The following NBDY variants were observed in gnomAD, a reference collection of about 807,000 sequenced individuals.
NBDY encodes the protein P-body dissociating protein.
intron 2 of NBDY, among the ~76,000 whole-genome samples, chrX:56,736,807 A>C (rs755634354): frequency 1.1e-4 from 12 of 112,295 alleles, no homozygotes; most frequent in Non-Finnish European, 7.5e-5. Context: ...GAGTGCATAC[A>C]GAATTTCTTT....
Position 56,803,917 on chromosome X carries a change from A to G in NBDY, c.*167-13403A>G, listed in dbSNP as rs139992377. 8.4e-3 allele frequency among the ~76,000 whole-genome samples: 941 copies of G among 112,073 alleles called. 9 individuals are homozygous for G. The highest frequency in any genetic ancestry group is 0.029 in the African/African-American group (909 of 30,864). ...CATGGTCTCTTTGGGGAAACCTGCA[A>G]CATGCGAAAGGCTCTCTGCCTCCCT... On this transcript the variant is annotated intron_variant, in intron 2 of 2. Transcript: ENST00000374922.
chrX:56,737,426 A>G (rs1946060701), intron 2 of NBDY: 1 of 656,446 alleles, frequency 1.5e-6, no homozygotes, highest in African/African-American at 2.2e-5. Context: ...GTTCTCAGGA[A>G]GCCTTCTTAT....
intron 2 of NBDY, among the ~76,000 whole-genome samples, chrX:56,735,810 C>T (rs1357514846): frequency 4.5e-5 from 5 of 111,288 alleles, no homozygotes; most frequent in Non-Finnish European, 9.4e-5. Context: ...CCTCCTTCTG[C>T]GAAGTAGGGC....
intron 2 of NBDY, among the ~76,000 whole-genome samples, chrX:56,767,641 C>G (rs1323046328): frequency 8.8e-6 from 1 of 113,567 alleles, no homozygotes; most frequent in East Asian, 2.8e-4. Context: ...ACTGGGCCAG[C>G]AGCTACTGTG....
chrX:56,806,940 G>T (rs1342878506), intron 2 of NBDY, among the ~76,000 whole-genome samples: 1 of 111,801 alleles, frequency 8.9e-6, no homozygotes, highest in South Asian at 3.8e-4. Context: ...GGTTTTTTAT[G>T]GTTTTAGGTT....
chrX:56,799,542 G>T (rs913991220), intron 2 of NBDY, among the ~76,000 whole-genome samples: 3 of 113,233 alleles, frequency 2.6e-5, no homozygotes, highest in African/African-American at 9.6e-5. Flanking sequence ...CTGAACCCCA[G>T]TGGGGGAAAC....
At chrX:56,756,130 G>A (rs1341802705) in intron 2 of NBDY, among the ~76,000 whole-genome samples, 4 of 90,840 alleles carry the variant, frequency 4.4e-5, no homozygotes, top group African/African-American at 1.6e-4. Flanking sequence ...ATCACACTCT[G>A]GGGACTGTTG....
At position 56,817,994 on chromosome X, in the gene NBDY, G is replaced by A. The variant is rs1257691609; in HGVS notation, c.*841G>A. On this transcript the variant is annotated 3_prime_UTR_variant, in exon 3 of 3. Transcript: ENST00000374922. ...ATTAAAAACAGTAATAAATATTATG[G>A]TGAAAAAATACAAGTAAAATGGGAA... 2 of 111,097 alleles carry A rather than the reference G, an allele frequency of 1.8e-5. No individual in the cohort carries two copies. The highest frequency in any genetic ancestry group is 3.8e-5 in the Non-Finnish European group (2 of 52,952). The allele number at this position is 111,097 out of a possible 1,213,427, so 9.2% of individuals were successfully genotyped here. A position where few individuals can be genotyped will look rare whatever the true frequency, so the allele number is the denominator to read the frequency against.
intron 2 of NBDY, among the ~76,000 whole-genome samples, chrX:56,815,433 T>C (rs1361346485): frequency 3.6e-5 from 4 of 112,126 alleles, no homozygotes; most frequent in Non-Finnish European, 7.5e-5. Flanking sequence ...AAACATATAC[T>C]ATGTTTTCTT....
intron 2 of NBDY, among the ~76,000 whole-genome samples, chrX:56,784,566 T>C (rs1452185253): frequency 8.9e-6 from 1 of 111,836 alleles, no homozygotes; most frequent in Non-Finnish European, 1.9e-5. Flanking sequence ...CATAAGTGCA[T>C]GGGTAGCCAG....
chrX:56,764,228 C>T (rs1189997411), intron 2 of NBDY, among the ~76,000 whole-genome samples: 2 of 112,419 alleles, frequency 1.8e-5, no homozygotes, highest in African/African-American at 6.5e-5. Context: ...CTTTGTTCCC[C>T]GGGAGGATCG....
At chrX:56,815,448 A>G (rs770542654) in intron 2 of NBDY, among the ~76,000 whole-genome samples, 6 of 111,997 alleles carry the variant, frequency 5.4e-5, no homozygotes, top group Non-Finnish European at 1.1e-4. Flanking sequence ...TTTCTTTATC[A>G]TTTATAGAAA....
intron 1 of NBDY, among the ~76,000 whole-genome samples, chrX:56,730,513 C>CAAAAAAAAAAAAAAAA (rs1157131797): frequency 8.9e-5 from 1 of 11,215 alleles, no homozygotes; most frequent in African/African-American, 2.3e-4. Context: ...AACTACGTCT[C>CAAAAAAAAAAAAAAAA]AAAAAAAAAA....
chrX:56,808,342 C>T (rs1250434329), intron 2 of NBDY, among the ~76,000 whole-genome samples: 1 of 111,762 alleles, frequency 8.9e-6, no homozygotes, highest in African/African-American at 3.3e-5. Context: ...GTACCAGCTC[C>T]TCTTTGTACC....
intron 2 of NBDY, among the ~76,000 whole-genome samples, chrX:56,807,932 G>T (rs1342585018): frequency 8.9e-6 from 1 of 111,934 alleles, no homozygotes. Flanking sequence ...TTCCCATTCA[G>T]TATGATATTG....
intron 2 of NBDY, among the ~76,000 whole-genome samples, chrX:56,758,737 GGTTGAGGCTAGAGT>G (rs1480117550): frequency 5.4e-5 from 6 of 111,944 alleles, no homozygotes; most frequent in African/African-American, 2.0e-4. Context: ...TGGAAGTGGA[GGTTGAGGCTAGAGT>G]GTCTTTGAGG....
chrX:56,803,666 TG>T (rs1413990670), intron 2 of NBDY, among the ~76,000 whole-genome samples: 1 of 111,776 alleles, frequency 8.9e-6, no homozygotes, highest in Non-Finnish European at 1.9e-5. Flanking sequence ...ATATTCTCGC[TG>T]AAGTCTGTGC....
At chrX:56,748,799 C>T (rs1045587783) in intron 2 of NBDY, among the ~76,000 whole-genome samples, 2 of 99,209 alleles carry the variant, frequency 2.0e-5, no homozygotes. Context: ...GGCCAGATTA[C>T]AGTGGGTTGA....
At chrX:56,810,834 G>A (rs898211909) in intron 2 of NBDY, among the ~76,000 whole-genome samples, 2 of 110,702 alleles carry the variant, frequency 1.8e-5, no homozygotes, top group African/African-American at 6.6e-5. Context: ...AAAAGTGTTC[G>A]GTTTTTGGAA....
Sources: gnomAD v4.1 joint callset for allele counts (sites outside exome capture counted in the v4.1 genomes callset) on GRCh38, gnomAD v4.1.1 for gene constraint, MANE v1.5 for transcripts, NCBI Gene and HGNC (gene_info 2026-07-23, HGNC 2026-07-21) for gene names.